Variants in BCKDHB observed in about 807,000 individuals in gnomAD.
The protein encoded by BCKDHB is branched chain keto acid dehydrogenase E1 subunit beta, also known as 2-oxoisovalerate dehydrogenase subunit beta, mitochondrial.
Under a neutral mutation model 48.5 loss-of-function variants are expected in BCKDHB, and 41 were observed. That is an observed-to-expected ratio of 0.85 (90% CI 0.66 to 1.10). The LOEUF (loss-of-function observed/expected upper bound fraction) is 1.10, where lower values mean the gene tolerates loss of function less well. Among genes scored for constraint, BCKDHB ranks in the 50% least tolerant of loss-of-function variants. The pLI is 0.00. For synonymous variants in BCKDHB, 201 were observed against 174.8 expected (o/e 1.15, Z -1.18); for missense variants, 496 against 494.2 (o/e 1.00, Z -0.03).
At chr6:80,422,794 C>A in the BCKDHB span, among the ~76,000 whole-genome samples, 1 of 152,158 alleles carries the variant, frequency 6.6e-6, no homozygotes, top group East Asian at 1.9e-4. Flanking sequence ...CCCAATGCCT[C>A]TACCCCAGTT....
chr6:80,358,321 G>A, the BCKDHB span, among the ~76,000 whole-genome samples: 1 of 152,070 alleles, frequency 6.6e-6, no homozygotes, highest in African/African-American at 2.4e-5. Flanking sequence ...ACACATATGG[G>A]TGTGCATTTT....
chr6:80,414,027 G>T, the BCKDHB span, among the ~76,000 whole-genome samples: 3 of 151,978 alleles, frequency 2.0e-5, no homozygotes, highest in African/African-American at 7.2e-5. Flanking sequence ...GTTGTAGTTT[G>T]ATTTGCATTT....
the BCKDHB span, among the ~76,000 whole-genome samples, chr6:80,406,807 G>T: frequency 6.6e-6 from 1 of 152,146 alleles, no homozygotes; most frequent in South Asian, 2.1e-4. Flanking sequence ...TCTGTAGGTT[G>T]CCTGTTCACT....
intron 8 of BCKDHB, among the ~76,000 whole-genome samples, chr6:80,229,438 C>T (rs925042977): frequency 5.9e-5 from 9 of 151,960 alleles, no homozygotes; most frequent in African/African-American, 1.7e-4. Flanking sequence ...TATGTTTGTC[C>T]TATTGGAGGA....
At chr6:80,407,336 C>A in the BCKDHB span, among the ~76,000 whole-genome samples, 1 of 152,122 alleles carries the variant, frequency 6.6e-6, no homozygotes, top group African/African-American at 2.4e-5. Flanking sequence ...CCTTGCTATG[C>A]AGGCTCTTTT....
At chr6:80,380,744 C>A in the BCKDHB span, among the ~76,000 whole-genome samples, 79,668 of 151,302 alleles carry the variant, frequency 0.53, 21,386 homozygotes, top group Non-Finnish European at 0.59. Context: ...CAAGAAAAAA[C>A]AAACAACCCC....
the BCKDHB span, among the ~76,000 whole-genome samples, chr6:80,376,239 G>C: frequency 6.6e-6 from 1 of 152,012 alleles, no homozygotes; most frequent in Non-Finnish European, 1.5e-5. Context: ...GTTCCTGGCA[G>C]GATCATGGTT....
At chr6:80,182,065 C>A (rs1773438029) in intron 6 of BCKDHB, among the ~76,000 whole-genome samples, 1 of 152,006 alleles carries the variant, frequency 6.6e-6, no homozygotes, top group Non-Finnish European at 1.5e-5. Flanking sequence ...TTGTTTATTT[C>A]ATATTTCTTC....
the BCKDHB span, among the ~76,000 whole-genome samples, chr6:80,451,184 C>G: frequency 6.6e-6 from 1 of 152,122 alleles, no homozygotes; most frequent in Admixed American, 6.5e-5. Context: ...ATAGTAGGAC[C>G]AATTTATTTG....
chr6:80,206,095 A>G (rs1774644359), intron 8 of BCKDHB, among the ~76,000 whole-genome samples: 1 of 152,058 alleles, frequency 6.6e-6, no homozygotes, highest in African/African-American at 2.4e-5. Flanking sequence ...AGGTAAGTAG[A>G]AAATATCTGG....
the BCKDHB span, among the ~76,000 whole-genome samples, chr6:80,424,315 G>A: frequency 1.3e-4 from 20 of 152,106 alleles, no homozygotes; most frequent in African/African-American, 4.3e-4. Flanking sequence ...TTCAAAGCAC[G>A]CTTTTAAGTT....
intron 9 of BCKDHB, among the ~76,000 whole-genome samples, chr6:80,296,821 AACCTTCAGCTTT>A (rs1767282464): frequency 6.6e-6 from 1 of 152,220 alleles, no homozygotes; most frequent in African/African-American, 2.4e-5. Flanking sequence ...AACTGGCTTA[AACCTTCAGCTTT>A]ATTTTATCTA....
At chr6:80,307,332 C>A (rs1767931348) in intron 9 of BCKDHB, among the ~76,000 whole-genome samples, 1 of 152,148 alleles carries the variant, frequency 6.6e-6, no homozygotes. Flanking sequence ...GTGGCTTGTG[C>A]ATTGACAGAT....
At chr6:80,340,128 A>G (rs1489272803) in intron 9 of BCKDHB, among the ~76,000 whole-genome samples, 1 of 152,218 alleles carries the variant, frequency 6.6e-6, no homozygotes. Flanking sequence ...TCCTGTTGCA[A>G]AAAGGCATAT....
In BCKDHB at chr6:80,271,493, G is replaced by T. The variant is rs116419791; in HGVS notation, c.952-1642G>T. 2.0e-3 allele frequency among the ~76,000 whole-genome samples: 307 copies of T among 152,170 alleles called. 1 individual carries two copies. The highest frequency in any genetic ancestry group is 6.8e-3 in the African/African-American group (284 of 41,528). Reference sequence around the variant, plus strand: ...ATAGGATACATAGGCCACCTGCCCTGGTTGCTTGTTTGCTTTCAGGGATTA... The same window carrying T: ...ATAGGATACATAGGCCACCTGCCCTTGTTGCTTGTTTGCTTTCAGGGATTA... On this transcript the variant is annotated intron_variant, in intron 8 of 9. Transcript: ENST00000320393.
chr6:80,388,780 G>A, the BCKDHB span, among the ~76,000 whole-genome samples: 5 of 152,268 alleles, frequency 3.3e-5, no homozygotes, highest in East Asian at 1.9e-4. Flanking sequence ...GATTCTGCAC[G>A]ATATGCAGGC....
At chr6:80,188,293 A>G (rs944782174) in intron 6 of BCKDHB, among the ~76,000 whole-genome samples, 2 of 152,170 alleles carry the variant, frequency 1.3e-5, no homozygotes, top group Admixed American at 6.5e-5. Context: ...CTCACTTATA[A>G]GTGGAAGGTA....
At chr6:80,433,544 T>C in the BCKDHB span, among the ~76,000 whole-genome samples, 1 of 152,216 alleles carries the variant, frequency 6.6e-6, no homozygotes, top group African/African-American at 2.4e-5. Context: ...GATCTCAGAC[T>C]GCTGCTGTGC....
At chr6:80,399,416 C>T in the BCKDHB span, among the ~76,000 whole-genome samples, 2 of 152,068 alleles carry the variant, frequency 1.3e-5, no homozygotes, top group East Asian at 3.8e-4. Flanking sequence ...GATACAAAAG[C>T]AATGTGCAAA....
Sources: gnomAD v4.1 joint callset for allele counts (sites outside exome capture counted in the v4.1 genomes callset) on GRCh38, gnomAD v4.1.1 for gene constraint, MANE v1.5 for transcripts, NCBI Gene and HGNC (gene_info 2026-07-23, HGNC 2026-07-21) for gene names.